ENY2: variants seen among roughly 807,000 people sequenced by gnomAD.
ENY2 encodes transcription and mRNA export factor ENY2.
ENY2 carries 4 observed loss-of-function variants against 15.9 expected under a neutral mutation model. That is an observed-to-expected ratio of 0.25 (90% CI 0.12 to 0.57). ENY2 has a LOEUF of 0.57. Ranked by LOEUF, ENY2 falls within the 20% of genes least tolerant of loss-of-function variation. The pLI is 0.91. For synonymous variants in ENY2, 48 were observed against 38.0 expected, an observed-to-expected ratio of 1.26 and a Z score of -0.97; for missense variants, 54 against 117.2, an observed-to-expected ratio of 0.46 and a Z score of 2.49.
At chr8:109,337,353 TTG>T (rs946218056) in intron 2 of ENY2, among the ~76,000 whole-genome samples, 4 of 97,262 alleles carry the variant, frequency 4.1e-5, no homozygotes, top group African/African-American at 1.3e-4. Flanking sequence ...GGATTGTATG[TTG>T]TTTTTTTTTT....
chr8:109,341,640 G>A (rs1326994115), intron 4 of ENY2, among the ~76,000 whole-genome samples: 1 of 152,068 alleles, frequency 6.6e-6, no homozygotes, highest in Non-Finnish European at 1.5e-5. Flanking sequence ...TCAATGTCTT[G>A]TAGCTCCCCT....
rs561709566 is a variant in ENY2, at chr8:109,342,728, T to C, written c.230-677T>C. On this transcript the variant is annotated intron_variant, in intron 4 of 4. Transcript: ENST00000521688. ...CATGTTGCCCAGGCTGGTCTTGAGC[T>C]CCCGGACTCAGGCAATCCTCCTGCC... The C allele has an allele frequency of 1.2e-3, 809 of 698,032 alleles. 2 individuals are homozygous for C. The highest frequency in any genetic ancestry group is 3.1e-3 in the Admixed American group (152 of 49,808). 43.2% of individuals were successfully genotyped at this position (698,032 alleles called of 1,614,324 possible).
chr8:109,343,270 A>G, intron 4 of ENY2, 135 bp from the exon 5 acceptor site: 1 of 612,990 alleles, frequency 1.6e-6, no homozygotes, highest in Non-Finnish European at 2.7e-6. Flanking sequence ...AGATAACTTT[A>G]CCTTTTTTTT....
chr8:109,336,772 AAAC>A (rs1251395970), intron 2 of ENY2, among the ~76,000 whole-genome samples: 1 of 152,230 alleles, frequency 6.6e-6, no homozygotes, highest in African/African-American at 2.4e-5. Context: ...TTAACACCAA[AAAC>A]AACATTGTAT....
chr8:109,345,573 G>A lies in ENY2; in HGVS notation c.*2092G>A, dbSNP rs1026660931. The A allele has an allele frequency of 1.3e-5, 2 of 152,094 alleles. No homozygotes were observed. The highest frequency in any genetic ancestry group is 4.8e-5 in the African/African-American group (2 of 41,430). 9.4% of individuals were successfully genotyped at this position (152,094 alleles called of 1,614,324 possible). A position where few individuals can be genotyped will look rare whatever the true frequency, so the allele number is the denominator to read the frequency against. On this transcript the variant is annotated 3_prime_UTR_variant, in exon 5 of 5. Transcript: ENST00000521688. ...AAACAATGTTCTAAAGTAAGTGATA[G>A]GGATGCTCATCATTCTGCTACCTAT...
At chr8:109,336,310 G>A (rs1815984611) in intron 2 of ENY2, 106 bp downstream of exon 2, 2 of 1,006,418 alleles carry the variant, frequency 2.0e-6, no homozygotes, top group Non-Finnish European at 2.9e-6. Flanking sequence ...AATTACAATT[G>A]AGATTATAAA....
At position 109,345,313 on chromosome 8, in the gene ENY2, T is replaced by C. The variant is rs1816221188; in HGVS notation, c.*1832T>C. ...GTGGATGAATGGGCAAGGGAAAAAA[T>C]GAAGGAACAAGTGAATGAACAGTAT... On this transcript the variant is annotated 3_prime_UTR_variant, in exon 5 of 5. Transcript: ENST00000521688. The C allele has an allele frequency of 6.6e-6, 1 of 152,082 alleles. No individual in the cohort carries two copies. Among genetic ancestry groups the C allele is most frequent in the Non-Finnish European group, 1.5e-5 (1 of 68,026 alleles). The allele number at this position is 152,082 out of a possible 1,614,324, so 9.4% of individuals were successfully genotyped here.
At chr8:109,337,737 A>G (rs1008250710) in intron 2 of ENY2, among the ~76,000 whole-genome samples, 1 of 152,118 alleles carries the variant, frequency 6.6e-6, no homozygotes, top group African/African-American at 2.4e-5. Flanking sequence ...CCCCATCTCT[A>G]CTGAAAATAC....
intron 2 of ENY2, among the ~76,000 whole-genome samples, chr8:109,336,983 C>G (rs536891007): frequency 6.6e-6 from 1 of 151,598 alleles, no homozygotes; most frequent in African/African-American, 2.4e-5. Context: ...CAACTCAACC[C>G]GGGCATTCAG....
intron 2 of ENY2, 106 bp downstream of exon 2, chr8:109,336,310 G>T: frequency 9.9e-7 from 1 of 1,006,420 alleles, no homozygotes; most frequent in South Asian, 1.6e-5. Context: ...AATTACAATT[G>T]AGATTATAAA....
chr8:109,339,853 A>G (rs1816077869), intron 3 of ENY2: 1 of 155,236 alleles, frequency 6.4e-6, no homozygotes, highest in African/African-American at 2.4e-5. Context: ...TATACATGTC[A>G]CTAAGGGGAG....
At chr8:109,334,579 T>TAGGGCTCTCCGAC in intron 1 of ENY2, 105 bp downstream of exon 1, 1 of 1,385,828 alleles carries the variant, frequency 7.2e-7, no homozygotes, top group Non-Finnish European at 9.6e-7. Context: ...CGCGGGCCTG[T>TAGGGCTCTCCGAC]AGGGCTCTCC....
chr8:109,342,164 C>CCCTTTTTTTTTTTT (rs1491293397), intron 4 of ENY2, among the ~76,000 whole-genome samples: 1 of 130,964 alleles, frequency 7.6e-6, no homozygotes, highest in Non-Finnish European at 1.7e-5. Context: ...TAACCCCCCC[C>CCCTTTTTTTTTTTT]TTTTTTTTTT....
intron 2 of ENY2, among the ~76,000 whole-genome samples, chr8:109,337,338 A>G (rs1176811935): frequency 6.9e-6 from 1 of 144,240 alleles, no homozygotes; most frequent in Non-Finnish European, 1.5e-5. Context: ...GCTGGTAAGG[A>G]GTACGGATTG....
intron 2 of ENY2, 68 bp from the exon 3 acceptor site, chr8:109,339,252 T>C: frequency 6.8e-7 from 1 of 1,463,424 alleles, no homozygotes; most frequent in Non-Finnish European, 9.5e-7. Flanking sequence ...ACACTGAAAC[T>C]TTGCTTCATA....
chr8:109,335,426 A>G (rs1175801452), intron 1 of ENY2: 1 of 149,462 alleles, frequency 6.7e-6, no homozygotes, highest in African/African-American at 2.5e-5. Flanking sequence ...GCAGCAGCGC[A>G]ATGTCGGCTC....
rs2130191071 is a variant in ENY2 at position 109,339,353 on chromosome 8, A to G, written c.117A>G (p.Glu39=). ...AGTTGCTGAGAGCTAAATTAATTGA[A>G]TGTGGCTGGAAGGATCAGTTGAAGG... is the stretch of plus-strand genomic sequence containing the variant. ...LKELLRAKLI[E]CGWKDQLKAH... is the part of the protein sequence containing the mutation. The change falls in exon 3 of 5, where the codon GAA becomes GAG. Residue 39 remains glutamate, a synonymous_variant. Coordinates refer to ENST00000521688, the MANE Select transcript of ENY2 (RefSeq NM_020189.6). The G allele has an allele frequency of 6.2e-7, 1 of 1,614,006 alleles. No homozygotes were observed. The highest frequency in any genetic ancestry group is 8.5e-7 in the Non-Finnish European group (1 of 1,179,908).
rs752529572 is a variant in ENY2, at chr8:109,343,506, G to T, written c.*25G>T. ...AGATTGAATTAGATTGTGTTGTTGT[G>T]GTTTTATTTCTGAAAGTAAAACTTG... On this transcript the variant is annotated 3_prime_UTR_variant, in exon 5 of 5. Coordinates refer to ENST00000521688, the MANE Select transcript of ENY2 (RefSeq NM_020189.6). The T allele has an allele frequency of 9.5e-6, 15 of 1,576,888 alleles. No individual in the cohort carries two copies. Among genetic ancestry groups the T allele is most frequent in the Non-Finnish European group, 1.1e-5 (13 of 1,164,832 alleles).
chr8:109,343,257 G>A (rs753938003), intron 4 of ENY2, 148 bp from the exon 5 acceptor site: 11 of 579,950 alleles, frequency 1.9e-5, no homozygotes, highest in Admixed American at 1.1e-4. Context: ...ACTTTTCTTT[G>A]TCAGATAACT....
Sources: gnomAD v4.1 joint callset for allele counts (sites outside exome capture counted in the v4.1 genomes callset) on GRCh38, gnomAD v4.1.1 for gene constraint, MANE v1.5 for transcripts, NCBI Gene and HGNC (gene_info 2026-07-23, HGNC 2026-07-21) for gene names.